The following F8 variants were observed in gnomAD, a reference collection of about 807,000 sequenced individuals.
F8 encodes the protein antihemophilic factor.
F8 carries 12 observed loss-of-function variants against 140.6 expected under a neutral mutation model. The ratio of observed to expected loss-of-function variants is 0.09; its 90% CI spans 0.05 to 0.14. The LOEUF (loss-of-function observed/expected upper bound fraction) is 0.14, where lower values mean the gene tolerates loss of function less well. Among genes scored for constraint, F8 ranks in the 10% least tolerant of loss-of-function variants. The pLI, the probability that F8 is intolerant of heterozygous loss-of-function variation, is 1.00. For missense variants in F8, 1,354 were observed against 1,720.7 expected, an observed-to-expected ratio of 0.79 and a Z score of 3.77; for synonymous variants, 585 against 614.6, an observed-to-expected ratio of 0.95 and a Z score of 0.71.
intron 5 of F8, among the ~76,000 whole-genome samples, chrX:154,986,259 C>A (rs1256445442): frequency 1.8e-5 from 2 of 112,239 alleles, no homozygotes; most frequent in Admixed American, 9.4e-5. Flanking sequence ...ATAGATAATG[C>A]ATTTTGCACT....
chrX:154,976,506 GCT>G (rs1557282997), intron 6 of F8, among the ~76,000 whole-genome samples: 1 of 110,156 alleles, frequency 9.1e-6, no homozygotes, highest in African/African-American at 3.3e-5. Context: ...CATGTGCCAT[GCT>G]GGTGCACTGC....
chrX:154,838,259 G>A lies in F8; in HGVS notation c.6901-507C>T, dbSNP rs28370249. Among the ~76,000 whole-genome samples the A allele has an allele frequency of 8.5e-3, 952 of 112,284 alleles. 5 individuals carry two copies. The highest frequency in any genetic ancestry group is 0.027 in the Middle Eastern group (6 of 219). On this transcript the variant is annotated intron_variant, in intron 25 of 25. Transcript: ENST00000360256. ...GGCAACCTTGGCAGGAGGGGATGCA[G>A]AAGAGAGAAAGAAGTGGGAAGAGTC...
intron 14 of F8, chrX:154,919,120 G>A (rs1291394392): frequency 2.7e-5 from 3 of 111,384 alleles, no homozygotes; most frequent in Non-Finnish European, 5.7e-5. Context: ...CTTAGATTTA[G>A]CAGTGATTTT....
At position 154,966,453 on chromosome X, in the gene F8, G is replaced by A; in HGVS notation, c.1244C>T (p.Ala415Val). The A allele has an allele frequency of 8.3e-7, 1 of 1,211,052 alleles. No individual in the cohort carries two copies. ...GTCATCGGGGGCGAGGACTAAGGGAGCATAGTCCCAGTCCTCCTCTTCAGC... is the reference window on the plus strand; with the variant it reads ...GTCATCGGGGGCGAGGACTAAGGGAACATAGTCCCAGTCCTCCTCTTCAGC... Reference protein sequence around the residue: ...IAAEEEDWDYAPLVLAPDDRS... With the variant: ...IAAEEEDWDYVPLVLAPDDRS... Residue 415 changes from alanine (A) to valine (V), a missense_variant, in exon 8 of 26, where the codon GCT becomes GTT. By Grantham distance (64) the Ala-to-Val change is moderately conservative. Transcript: ENST00000360256.
chrX:155,013,026 G>A (rs984325150), intron 1 of F8, among the ~76,000 whole-genome samples: 32 of 107,345 alleles, frequency 3.0e-4, no homozygotes, highest in African/African-American at 1.0e-3. Context: ...GGCGCCTGTC[G>A]TCCCAGCTAC....
Position 154,926,264 on chromosome X carries a change from A to C in F8, c.5219+2307T>G, listed in dbSNP as rs137919814. 7.0e-3 allele frequency among the ~76,000 whole-genome samples: 791 copies of C among 112,251 alleles called. 2 individuals are homozygous for C. Among genetic ancestry groups the C allele is most frequent in the Non-Finnish European group, 0.011 (578 of 53,283 alleles). On this transcript the variant is annotated intron_variant, in intron 14 of 25. Transcript: ENST00000360256. ...CAGTCTCAGGTATGTCTTTATTAGC[A>C]GTGTGAAAATGGACTAATACAGGAT...
intron 6 of F8, among the ~76,000 whole-genome samples, chrX:154,970,155 A>T (rs1413358933): frequency 8.9e-6 from 1 of 112,640 alleles, no homozygotes; most frequent in African/African-American, 3.2e-5. Context: ...GCTAATATGT[A>T]TTGAGCACTT....
intron 22 of F8, among the ~76,000 whole-genome samples, chrX:154,875,056 C>T (rs1170889174): frequency 1.8e-5 from 2 of 111,615 alleles, no homozygotes; most frequent in Non-Finnish European, 3.8e-5. Context: ...AGAAGAAAAT[C>T]CTCCCACTTG....
intron 9 of F8, among the ~76,000 whole-genome samples, chrX:154,964,081 G>GCA (rs782052060): frequency 1.8e-4 from 19 of 106,338 alleles, no homozygotes; most frequent in African/African-American, 5.0e-4. Context: ...TGTGTGAAAT[G>GCA]CACACACACA....
At position 154,929,006 on chromosome X, in the gene F8, G is replaced by T; in HGVS notation, c.4784C>A (p.Pro1595Gln). The T allele has an allele frequency of 8.3e-7, 1 of 1,211,077 alleles. No homozygotes were observed. The highest frequency in any genetic ancestry group is 1.7e-5 in the African/African-American group (1 of 57,672). Residue 1595 changes from proline (P) to glutamine (Q), a missense_variant, in exon 14 of 26, where the codon CCA (proline) becomes CAA (glutamine). Transcript: ENST00000360256. ...AWDNHYGTQI[P>Q]KEEWKSQEKS... ...CTCTTGGGATTTCCACTCTTCTTTT[G>T]GTATCTGAGTACCATAGTGGTTATC...
intron 12 of F8, among the ~76,000 whole-genome samples, chrX:154,948,963 G>C (rs911930842): frequency 3.6e-5 from 4 of 111,553 alleles, no homozygotes; most frequent in Non-Finnish European, 5.7e-5. Context: ...GATGTAAGCG[G>C]AAACTTAATA....
At chrX:154,975,421 T>C (rs1244486513) in intron 6 of F8, among the ~76,000 whole-genome samples, 3 of 112,431 alleles carry the variant, frequency 2.7e-5, no homozygotes, top group Non-Finnish European at 1.9e-5. Flanking sequence ...TATTCCATTA[T>C]TGGCAGGAAA....
In F8 at chrX:154,845,576, A is replaced by G. The variant is rs1483537899; in HGVS notation, c.6901-7824T>C. ...TTCTTCTAGATTTTCTAGTTTATTT[A>G]CATAGAGGTGTTTATAGTATTCTCT... On this transcript the variant is annotated intron_variant, in intron 25 of 25. Transcript: ENST00000360256. 9.9e-5 allele frequency among the ~76,000 whole-genome samples: 11 copies of G among 111,427 alleles called. No individual in the cohort carries two copies. In the Admixed American group the frequency reaches 1.0e-3, roughly 11 times the overall value.
chrX:154,957,357 T>G (rs782084589), intron 10 of F8, among the ~76,000 whole-genome samples, 186 bp from the exon 11 acceptor site: 157 of 111,756 alleles, frequency 1.4e-3, no homozygotes, highest in Non-Finnish European at 2.4e-3. Context: ...AGTAAAAAGC[T>G]GTAATTGATT....
intron 1 of F8, among the ~76,000 whole-genome samples, chrX:155,018,559 T>A (rs1207443038): frequency 3.6e-5 from 4 of 109,591 alleles, no homozygotes; most frequent in African/African-American, 1.3e-4. Context: ...AGACAAGTCA[T>A]TGGCAAGCTT....
chrX:154,953,655 T>C (rs782610204), intron 12 of F8, among the ~76,000 whole-genome samples: 8 of 110,276 alleles, frequency 7.3e-5, no homozygotes, highest in South Asian at 7.8e-4. Context: ...TAGAAGGAGA[T>C]AGGGAATTAA....
chrX:154,926,105 C>T (rs1011141953), intron 14 of F8, among the ~76,000 whole-genome samples: 2 of 112,022 alleles, frequency 1.8e-5, no homozygotes, highest in African/African-American at 3.3e-5. Context: ...TTTCCCTGCA[C>T]AAGCTCTCTC....
In F8 at chrX:154,966,127, T is replaced by C. The variant is rs868946748; in HGVS notation, c.1286A>G (p.Gln429Arg). The C allele has an allele frequency of 7.4e-6, 9 of 1,208,296 alleles. No individual in the cohort carries two copies. In the African/African-American group the frequency reaches 1.0e-4, roughly 14 times the overall value. The change falls in exon 9 of 26, where the codon CAA becomes CGA. Residue 429 changes from glutamine to arginine, a missense_variant. By Grantham distance (43) the Gln-to-Arg change is conservative. Transcript: ENST00000360256. ...CCGCTGAGGGCCATTGTTCAAATAT[T>C]GACTTTTATAACTTCTGTATAAGAG... is the stretch of plus-strand genomic sequence containing the variant. The part of the protein sequence containing the change: ...LAPDDRSYKS[Q>R]YLNNGPQRIG...
intron 18 of F8, among the ~76,000 whole-genome samples, chrX:154,903,040 A>G (rs2073017987): frequency 8.9e-6 from 1 of 112,180 alleles, no homozygotes; most frequent in African/African-American, 3.2e-5. Context: ...GGACATTGTA[A>G]TTTCTGATTT....
Sources: gnomAD v4.1 joint callset for allele counts (sites outside exome capture counted in the v4.1 genomes callset) on GRCh38, gnomAD v4.1.1 for gene constraint, MANE v1.5 for transcripts, NCBI Gene and HGNC (gene_info 2026-07-23, HGNC 2026-07-21) for gene names.